SLC12A1: variants seen among roughly 807,000 people sequenced by gnomAD.
SLC12A1 encodes Na-K-2Cl cotransporter.
A neutral mutation model predicts 130.4 loss-of-function variants in SLC12A1; 89 were observed. That is an observed-to-expected ratio of 0.68 (90% CI 0.58 to 0.81). The LOEUF is 0.81. SLC12A1 is among the 40% of genes least tolerant of loss of function. SLC12A1 has a pLI of 0.00. For missense variants in SLC12A1, 1,310 were observed against 1,336.4 expected (o/e 0.98, Z 0.31); for synonymous variants, 499 against 460.0 (o/e 1.08, Z -1.09).
At chr15:48,286,281 G>A (rs1270156055) in intron 21 of SLC12A1, among the ~76,000 whole-genome samples, 1 of 152,126 alleles carries the variant, frequency 6.6e-6, no homozygotes, top group Non-Finnish European at 1.5e-5. Context: ...AAATACTCTG[G>A]CTACTGTCGA....
chr15:48,255,934 C>T (rs760074846), intron 16 of SLC12A1, 24 bp downstream of exon 16: 2 of 1,471,818 alleles, frequency 1.4e-6, no homozygotes, highest in African/African-American at 2.8e-5. Flanking sequence ...CTCAGGCATC[C>T]TGGTGTTTTT....
intron 13 of SLC12A1, among the ~76,000 whole-genome samples, chr15:48,248,425 T>C (rs193076962): frequency 1.3e-4 from 20 of 152,392 alleles, no homozygotes; most frequent in Admixed American, 7.2e-4. Flanking sequence ...TTTAAGCGAA[T>C]AAGCAACCAA....
intron 20 of SLC12A1, among the ~76,000 whole-genome samples, chr15:48,276,695 G>A (rs766179943): frequency 1.5e-4 from 23 of 152,058 alleles, no homozygotes; most frequent in Non-Finnish European, 2.8e-4. Context: ...CAGCCTGGGC[G>A]GACTAATACA....
intron 19 of SLC12A1, among the ~76,000 whole-genome samples, chr15:48,271,891 T>C (rs1376630920): frequency 6.6e-6 from 1 of 152,206 alleles, no homozygotes; most frequent in Non-Finnish European, 1.5e-5. Context: ...CCCAGATTCT[T>C]CAGTAAAATT....
At chr15:48,237,585 A>G (rs1054267090) in intron 9 of SLC12A1, among the ~76,000 whole-genome samples, 3 of 152,212 alleles carry the variant, frequency 2.0e-5, no homozygotes, top group Admixed American at 1.3e-4. Flanking sequence ...TTTTGGGGGC[A>G]TACATGGTCA....
At chr15:48,292,345 G>A (rs1173773428) in intron 24 of SLC12A1, among the ~76,000 whole-genome samples, 3 of 151,994 alleles carry the variant, frequency 2.0e-5, no homozygotes. Flanking sequence ...GGCCCAACAG[G>A]GAAGGCCTAT....
intron 7 of SLC12A1, 80 bp downstream of exon 7, chr15:48,230,583 T>G (rs911253788): frequency 2.3e-6 from 2 of 870,850 alleles, no homozygotes; most frequent in South Asian, 2.9e-5. Context: ...GAACTCCATA[T>G]TCAAAAGGAA....
intron 4 of SLC12A1, chr15:48,222,254 T>G (rs756171913): frequency 3.9e-5 from 6 of 152,170 alleles, no homozygotes; most frequent in African/African-American, 2.4e-5. Flanking sequence ...ATTACTTTGT[T>G]TGGAGGTGTG....
At chr15:48,236,192 G>C (rs1276055230) in intron 9 of SLC12A1, among the ~76,000 whole-genome samples, 1 of 151,306 alleles carries the variant, frequency 6.6e-6, no homozygotes, top group Non-Finnish European at 1.5e-5. Flanking sequence ...TGGAAGACAA[G>C]AAATATTTTC....
intron 9 of SLC12A1, chr15:48,237,200 C>A: frequency 3.5e-6 from 2 of 577,904 alleles, no homozygotes; most frequent in Non-Finnish European, 3.1e-6. Context: ...AGGAGTTTGC[C>A]GACAGGACAA....
At chr15:48,234,594 A>G (rs1410502572) in intron 8 of SLC12A1, among the ~76,000 whole-genome samples, 2 of 151,954 alleles carry the variant, frequency 1.3e-5, no homozygotes, top group Non-Finnish European at 2.9e-5. Flanking sequence ...AATACAAAAA[A>G]TTAGCCAGGT....
rs187989427 is a variant in SLC12A1 at position 48,237,574 on chromosome 15, A to T, written c.1215+2570A>T. Among the ~76,000 whole-genome samples, 5 of 152,300 alleles carry T rather than the reference A, an allele frequency of 3.3e-5. No individual in the cohort carries two copies. In the East Asian group the frequency reaches 9.6e-4, roughly 29 times the overall value. ...AAACTACAAACAATGGCCTGTTAAG[A>T]TTTTGGGGGCATACATGGTCATAAT... On this transcript the variant is annotated intron_variant, in intron 9 of 26. Coordinates refer to ENST00000380993, the MANE Select transcript of SLC12A1 (RefSeq NM_000338.3).
intron 18 of SLC12A1, among the ~76,000 whole-genome samples, chr15:48,268,505 A>G (rs1457150128): frequency 6.6e-6 from 1 of 152,204 alleles, no homozygotes; most frequent in African/African-American, 2.4e-5. Context: ...AACTGCATCC[A>G]GGTAACTCAG....
chr15:48,221,307 A>G (rs2141019418), intron 4 of SLC12A1: 1 of 701,608 alleles, frequency 1.4e-6, no homozygotes, highest in South Asian at 1.5e-5. Flanking sequence ...GTATTGGGGG[A>G]CATATTGACA....
At chr15:48,237,031 G>C (rs1157299673) in intron 9 of SLC12A1, 1 of 702,640 alleles carries the variant, frequency 1.4e-6, no homozygotes, top group Non-Finnish European at 2.6e-6. Flanking sequence ...AAGGAGCTCA[G>C]AGTCGAAGGA....
chr15:48,255,984 A>T, intron 16 of SLC12A1, 74 bp downstream of exon 16: 3 of 887,726 alleles, frequency 3.4e-6, no homozygotes. Flanking sequence ...AGACAAGGGC[A>T]TTCAAGTAGT....
chr15:48,226,527 G>C lies in SLC12A1; in HGVS notation c.680G>C (p.Gly227Ala). The change falls in exon 5 of 27, where the codon GGG (glycine) becomes GCG (alanine). Residue 227 changes from glycine (G) to alanine (A), a missense_variant. By Grantham distance (60) the Gly-to-Ala change is moderately conservative. Coordinates refer to ENST00000380993, the MANE Select transcript of SLC12A1 (RefSeq NM_000338.3). ...TCCACCATGGTAACTTCTATTACTG[G>C]GTTGTCAACTTCTGCGATAGCAACT... ...LLSTMVTSIT[G>A]LSTSAIATNG... 6.2e-7 allele frequency: 1 copy of C among 1,609,684 alleles called. No individual in the cohort carries two copies. The highest frequency in any genetic ancestry group is 1.7e-4 in the Middle Eastern group (1 of 6,050).
chr15:48,241,986 C>T (rs966164754), intron 10 of SLC12A1, among the ~76,000 whole-genome samples: 1 of 152,176 alleles, frequency 6.6e-6, no homozygotes, highest in Non-Finnish European at 1.5e-5. Flanking sequence ...ACCCTTCAAA[C>T]CTAAAAACAG....
chr15:48,207,273 G>A (rs1201732503), intron 1 of SLC12A1, among the ~76,000 whole-genome samples: 1 of 152,160 alleles, frequency 6.6e-6, no homozygotes, highest in Admixed American at 6.6e-5. Context: ...GAACTCCAGT[G>A]CACTGAATTC....
Sources: gnomAD v4.1 joint callset for allele counts (sites outside exome capture counted in the v4.1 genomes callset) on GRCh38, gnomAD v4.1.1 for gene constraint, MANE v1.5 for transcripts, NCBI Gene and HGNC (gene_info 2026-07-23, HGNC 2026-07-21) for gene names.